The following USP32 variants were observed in gnomAD, a reference collection of about 807,000 sequenced individuals.
USP32 encodes the protein ubiquitin carboxyl-terminal hydrolase 32.
USP32 carries 59 observed loss-of-function variants against 204.8 expected under a neutral mutation model. The ratio of observed to expected loss-of-function variants is 0.29; its 90% CI spans 0.23 to 0.36. USP32 has a LOEUF of 0.36. USP32 is among the 10% of genes least tolerant of loss of function. The pLI, the probability that USP32 is intolerant of heterozygous loss-of-function variation, is 1.00. For missense variants in USP32, 1,160 were observed against 1,946.4 expected (o/e 0.60, Z 7.60); for synonymous variants, 517 against 678.4 (o/e 0.76, Z 3.70).
At chr17:60,320,627 T>G (rs1478157545) in intron 2 of USP32, among the ~76,000 whole-genome samples, 2 of 152,184 alleles carry the variant, frequency 1.3e-5, no homozygotes, top group Non-Finnish European at 2.9e-5. Context: ...GGCCAGAAAT[T>G]GATGTTTTTT....
rs971911056 is a variant in USP32, at chr17:60,267,174, G to A, written c.812-1083C>T. ...TGCAATCCCAGTACTTTGGGAGGCCGAGGTGGGCGAATCGCGAGGTCAGGA... is the reference window on the plus strand; with the variant it reads ...TGCAATCCCAGTACTTTGGGAGGCCAAGGTGGGCGAATCGCGAGGTCAGGA... On this transcript the variant is annotated intron_variant, in intron 7 of 33. Coordinates refer to ENST00000300896, the MANE Select transcript of USP32 (RefSeq NM_032582.4). Among the ~76,000 whole-genome samples, 8 of 151,920 alleles carry A rather than the reference G, an allele frequency of 5.3e-5. No homozygotes were observed. The East Asian group carries it at 1.2e-3, about 22-fold the overall frequency.
intron 11 of USP32, among the ~76,000 whole-genome samples, chr17:60,239,204 A>C: frequency 6.6e-6 from 1 of 152,058 alleles, no homozygotes; most frequent in East Asian, 1.9e-4. Flanking sequence ...CATGCTATTA[A>C]TTTTATTGAT....
At chr17:60,234,708 C>T (rs574541611) in intron 12 of USP32, among the ~76,000 whole-genome samples, 2 of 151,178 alleles carry the variant, frequency 1.3e-5, no homozygotes, top group East Asian at 4.0e-4. Flanking sequence ...CCAGCCTGGG[C>T]GACAAAAGCA....
Position 60,351,345 on chromosome 17 carries a change from A to G in USP32, c.59-5737T>C, listed in dbSNP as rs571949529. Among the ~76,000 whole-genome samples, 330 of 151,968 alleles carry G rather than the reference A, an allele frequency of 2.2e-3. 4 individuals are homozygous for G. Among genetic ancestry groups the G allele is most frequent in the African/African-American group, 7.5e-3 (311 of 41,442 alleles). ...CAAGTAGCTGGGACTACAGGCATGC[A>G]CCACTATGTCAGGCCCTTCCTAGCT... On this transcript the variant is annotated intron_variant, in intron 1 of 33. Transcript: ENST00000300896.
intron 2 of USP32, among the ~76,000 whole-genome samples, chr17:60,324,637 TCAA>T (rs1391051080): frequency 1.3e-5 from 2 of 152,168 alleles, no homozygotes; most frequent in Admixed American, 1.3e-4. Flanking sequence ...TCACATTACT[TCAA>T]CAGAAATAAA....
intron 2 of USP32, among the ~76,000 whole-genome samples, chr17:60,340,497 CT>C (rs954258310): frequency 6.6e-6 from 1 of 152,176 alleles, no homozygotes; most frequent in Non-Finnish European, 1.5e-5. Context: ...ACAACCCCTG[CT>C]TTTTTTGGCT....
intron 1 of USP32, among the ~76,000 whole-genome samples, chr17:60,359,839 T>C (rs1005577377): frequency 1.3e-5 from 2 of 151,886 alleles, no homozygotes; most frequent in African/African-American, 4.8e-5. Context: ...AAAGAGTTCA[T>C]AGAAACATGA....
chr17:60,289,217 C>G (rs2087205373), intron 4 of USP32, among the ~76,000 whole-genome samples: 1 of 152,144 alleles, frequency 6.6e-6, no homozygotes, highest in African/African-American at 2.4e-5. Context: ...ACCGTGTTAG[C>G]CAGGATGGTC....
chr17:60,368,633 G>A (rs899835189), intron 1 of USP32, among the ~76,000 whole-genome samples: 3 of 151,788 alleles, frequency 2.0e-5, no homozygotes, highest in African/African-American at 7.3e-5. Flanking sequence ...TTAAAACTAA[G>A]AATTAAATCT....
intron 1 of USP32, among the ~76,000 whole-genome samples, chr17:60,351,737 T>G (rs2088956001): frequency 6.6e-6 from 1 of 152,210 alleles, no homozygotes; most frequent in South Asian, 2.1e-4. Context: ...TGTCAGGCAT[T>G]TATTAAATGT....
At chr17:60,372,561 C>T (rs1475270256) in intron 1 of USP32, among the ~76,000 whole-genome samples, 2 of 150,158 alleles carry the variant, frequency 1.3e-5, no homozygotes, top group African/African-American at 4.9e-5. Context: ...AAAAAAAGTC[C>T]AGGCACGGTG....
At chr17:60,284,971 T>C (rs1010083318) in intron 5 of USP32, among the ~76,000 whole-genome samples, 1 of 152,212 alleles carries the variant, frequency 6.6e-6, no homozygotes, top group South Asian at 2.1e-4. Flanking sequence ...TCCCCACTTG[T>C]CGTTGTTATA....
chr17:60,276,685 ACTGTGATT>A (rs1264766736), intron 5 of USP32, among the ~76,000 whole-genome samples: 3 of 152,102 alleles, frequency 2.0e-5, no homozygotes, highest in Non-Finnish European at 4.4e-5. Context: ...AATCATATTA[ACTGTGATT>A]CTTTTTTTTA....
intron 2 of USP32, among the ~76,000 whole-genome samples, chr17:60,316,412 G>C (rs892586278): frequency 1.3e-5 from 2 of 152,126 alleles, no homozygotes; most frequent in African/African-American, 4.8e-5. Context: ...TGTTGCAAGA[G>C]AATTTTTAAT....
At position 60,198,251 on chromosome 17, in the gene USP32, T is replaced by C. The variant is rs772804226; in HGVS notation, c.3434+9A>G. 4 of 1,613,714 alleles carry C rather than the reference T, an allele frequency of 2.5e-6. No individual in the cohort carries two copies. In the South Asian group the frequency reaches 4.4e-5, roughly 18 times the overall value. On this transcript the variant is annotated intron_variant, in intron 27 of 33. Transcript: ENST00000300896. Reference sequence around the variant, plus strand: ...AAACCACAGGTTTAGATGGATCCCCTGAACTCACCAATCCTGGGCATGATT... The same window carrying C: ...AAACCACAGGTTTAGATGGATCCCCCGAACTCACCAATCCTGGGCATGATT...
At chr17:60,422,037 G>C in intron 1 of USP32, 11 of 771,094 alleles carry the variant, frequency 1.4e-5, no homozygotes, top group East Asian at 1.3e-4. Context: ...CACCCAGCAC[G>C]GAGGGCTTAT....
intron 12 of USP32, among the ~76,000 whole-genome samples, chr17:60,230,998 G>T (rs139174970): frequency 8.7e-4 from 133 of 152,170 alleles, no homozygotes; most frequent in Non-Finnish European, 1.8e-3. Context: ...AATTATCCTA[G>T]AACCCTGGTT....
intron 1 of USP32, among the ~76,000 whole-genome samples, chr17:60,370,017 G>A (rs1043780050): frequency 3.3e-5 from 5 of 151,988 alleles, no homozygotes; most frequent in Non-Finnish European, 5.9e-5. Flanking sequence ...GGGATTACAG[G>A]TGTAAGCCAG....
chr17:60,226,114 A>G lies in USP32; in HGVS notation c.1357T>C (p.Tyr453His). 1 of 1,608,268 alleles carries G rather than the reference A, an allele frequency of 6.2e-7. No homozygotes were observed. The highest frequency in any genetic ancestry group is 8.5e-7 in the Non-Finnish European group (1 of 1,177,962). The change falls in exon 13 of 34, where the codon TAC becomes CAC. Residue 453 changes from tyrosine to histidine, a missense_variant. Physicochemically the swap from Tyr to His is moderately conservative, Grantham distance 83. Transcript: ENST00000300896. The part of the protein sequence containing the change: ...VEDRIGSSLS[Y>H]VNTTEEKFSD... ...AATTTCTCTTCTGTAGTATTCACGT[A>G]ACTGAGGCTGCTTCCAATTCTATCT...
Sources: gnomAD v4.1 joint callset for allele counts (sites outside exome capture counted in the v4.1 genomes callset) on GRCh38, gnomAD v4.1.1 for gene constraint, MANE v1.5 for transcripts, NCBI Gene and HGNC (gene_info 2026-07-23, HGNC 2026-07-21) for gene names.